Variants in SPACA7 observed in about 807,000 individuals in gnomAD.
The protein encoded by SPACA7 is sperm acrosome-associated protein 7.
In SPACA7, 19 loss-of-function variants were observed where a neutral mutation model predicts 26.3. The ratio of observed to expected loss-of-function variants is 0.72; its 90% CI spans 0.50 to 1.06. SPACA7 has a LOEUF of 1.06. Ranked by LOEUF, SPACA7 falls within the 50% of genes least tolerant of loss-of-function variation. The pLI is 0.00. For synonymous variants in SPACA7, 84 were observed against 84.5 expected (o/e 0.99, Z 0.04); for missense variants, 211 against 229.9 (o/e 0.92, Z 0.53).
chr13:112,390,211 AG>A (rs1410548082), intron 1 of SPACA7, among the ~76,000 whole-genome samples: 1 of 152,122 alleles, frequency 6.6e-6, no homozygotes, highest in East Asian at 1.9e-4. Context: ...GATGGTGAGA[AG>A]AGAACTCGAG....
At chr13:112,398,166 T>G (rs1285651684) in intron 3 of SPACA7, 28 bp downstream of exon 3, 1 of 1,520,620 alleles carries the variant, frequency 6.6e-7, no homozygotes, top group African/African-American at 1.4e-5. Context: ...CACACCCCTT[T>G]CTAACCCTCT....
chr13:112,382,143 C>A (rs1462125572), intron 1 of SPACA7: 2 of 325,030 alleles, frequency 6.2e-6, no homozygotes, highest in Non-Finnish European at 1.1e-5. Context: ...ATGTTAGAAG[C>A]AAGAGGGAGT....
At chr13:112,413,105 G>C (rs1201537314) in intron 5 of SPACA7, among the ~76,000 whole-genome samples, 1 of 151,946 alleles carries the variant, frequency 6.6e-6, no homozygotes, top group Non-Finnish European at 1.5e-5. Context: ...GATATGAGTG[G>C]TTTGCACACC....
intron 6 of SPACA7, among the ~76,000 whole-genome samples, chr13:112,433,803 C>T (rs145236037): frequency 0.012 from 1,762 of 152,266 alleles, 27 homozygotes; most frequent in African/African-American, 0.04. Context: ...CCAACACACG[C>T]GGTGTAGAAA....
intron 1 of SPACA7, chr13:112,382,396 C>T (rs1360406088): frequency 1.3e-6 from 2 of 1,541,150 alleles, no homozygotes; most frequent in Non-Finnish European, 1.7e-6. Flanking sequence ...CCGTGCCTGG[C>T]CAATAACACC....
In SPACA7 at chr13:112,376,469, C is replaced by T. The variant is rs756955326; in HGVS notation, c.84C>T (p.Thr28=). ...CWQETELRPR[T]VIPGSPTEIP... ...AAGAAACTGAGCTCCGGCCGAGAAC[C>T]GTGATTCCAGGTAGGGCCCCACAGG... Residue 28 remains threonine (T), a synonymous_variant, in exon 1 of 7, where the codon ACC becomes ACT. Coordinates refer to ENST00000283550, the MANE Select transcript of SPACA7 (RefSeq NM_145248.5). 46 of 1,612,910 alleles carry T rather than the reference C, an allele frequency of 2.9e-5. No homozygotes were observed. The highest frequency in any genetic ancestry group is 4.5e-5 in the East Asian group (2 of 44,808).
At chr13:112,383,127 AAGAAAG>A (rs1566453133) in intron 1 of SPACA7, among the ~76,000 whole-genome samples, 19 of 4,206 alleles carry the variant, frequency 4.5e-3, no homozygotes, top group Middle Eastern at 0.5. Flanking sequence ...AAAGAAAAGA[AAGAAAG>A]AAAGAAAGAA....
chr13:112,412,508 C>T (rs1036493824), intron 5 of SPACA7, among the ~76,000 whole-genome samples: 2 of 151,962 alleles, frequency 1.3e-5, no homozygotes, highest in Non-Finnish European at 2.9e-5. Flanking sequence ...CTTTTAAGGT[C>T]TTACTCAAAA....
chr13:112,390,103 A>T (rs1013981882), intron 1 of SPACA7, among the ~76,000 whole-genome samples: 2 of 147,414 alleles, frequency 1.4e-5, no homozygotes, highest in South Asian at 2.3e-4. Flanking sequence ...TTGGGAGTCA[A>T]GGGGCTGAGT....
chr13:112,429,721 T>C (rs546419231), intron 5 of SPACA7, among the ~76,000 whole-genome samples: 4 of 152,382 alleles, frequency 2.6e-5, no homozygotes, highest in East Asian at 3.9e-4. Flanking sequence ...TCATTGTAGA[T>C]GATATTTTAT....
At chr13:112,411,409 C>T (rs1402221216) in intron 5 of SPACA7, among the ~76,000 whole-genome samples, 2 of 152,040 alleles carry the variant, frequency 1.3e-5, no homozygotes, top group Non-Finnish European at 2.9e-5. Context: ...AGATGTCCAC[C>T]ACCTCAATCA....
chr13:112,400,244 A>G (rs61960796), intron 4 of SPACA7, among the ~76,000 whole-genome samples: 39,257 of 152,102 alleles, frequency 0.26, 5,455 homozygotes, highest in South Asian at 0.38. Flanking sequence ...AGTCCCCCCA[A>G]TAAGACAGAC....
At chr13:112,433,091 G>A (rs1274800446) in intron 6 of SPACA7, among the ~76,000 whole-genome samples, 6 of 151,982 alleles carry the variant, frequency 3.9e-5, no homozygotes, top group Non-Finnish European at 7.4e-5. Context: ...TCCTGGGTGA[G>A]GCTGACAGCC....
At chr13:112,427,569 T>C (rs1043052394) in intron 5 of SPACA7, among the ~76,000 whole-genome samples, 2 of 152,214 alleles carry the variant, frequency 1.3e-5, no homozygotes, top group African/African-American at 4.8e-5. Context: ...TAGAAATGGG[T>C]TGGGAAGTAG....
chr13:112,383,131 AAGAAAG>A (rs1400461510), intron 1 of SPACA7, among the ~76,000 whole-genome samples: 8,762 of 53,384 alleles, frequency 0.16, 713 homozygotes, highest in Middle Eastern at 0.28. Flanking sequence ...AAAAGAAAGA[AAGAAAG>A]AAAGAAAGAA....
At chr13:112,391,592 G>A (rs188114787) in intron 1 of SPACA7, among the ~76,000 whole-genome samples, 71 of 152,290 alleles carry the variant, frequency 4.7e-4, no homozygotes, top group African/African-American at 1.3e-3. Context: ...CCTTAAAACC[G>A]TGAGGCTGAA....
intron 5 of SPACA7, 138 bp from the exon 6 acceptor site, chr13:112,432,306 C>A (rs1408046236): frequency 3.2e-6 from 2 of 623,930 alleles, no homozygotes; most frequent in Non-Finnish European, 5.8e-6. Flanking sequence ...CGAGAAGCTG[C>A]AGCACCTCAC....
chr13:112,389,717 T>C (rs1430316478), intron 1 of SPACA7, among the ~76,000 whole-genome samples: 2 of 152,256 alleles, frequency 1.3e-5, no homozygotes, highest in Non-Finnish European at 2.9e-5. Flanking sequence ...ACAGTGATTG[T>C]ATGGCTTCAT....
rs2139032835 is a variant in SPACA7, at chr13:112,417,882, T to G, written c.446-14562T>G. Among the ~76,000 whole-genome samples the G allele has an allele frequency of 2.0e-5, 3 of 152,304 alleles. No homozygotes were observed. In the Middle Eastern group the frequency reaches 0.01, roughly 518 times the overall value. Reference sequence around the variant, plus strand: ...AGATTCTTCACTATAACTTTTAAATTTTTATTATTTATTTTTTACTTACTG... The same window carrying G: ...AGATTCTTCACTATAACTTTTAAATGTTTATTATTTATTTTTTACTTACTG... On this transcript the variant is annotated intron_variant, in intron 5 of 6. Coordinates refer to ENST00000283550, the MANE Select transcript of SPACA7 (RefSeq NM_145248.5).
Sources: allele counts gnomAD v4.1 joint callset (sites outside exome capture counted in the v4.1 genomes callset), GRCh38; gene constraint gnomAD v4.1.1; transcripts MANE v1.5; gene names NCBI Gene and HGNC (gene_info 2026-07-23, HGNC 2026-07-21).